The following CHD9 variants were observed in gnomAD, a reference collection of about 807,000 sequenced individuals.
CHD9 encodes the protein ATP-dependent chromatin remodeler CHD9.
A neutral mutation model predicts 316.1 loss-of-function variants in CHD9; 77 were observed. The observed-to-expected ratio is 0.24, with a 90% confidence interval of 0.20 to 0.29. The LOEUF is 0.29. Ranked by LOEUF, CHD9 falls within the 10% of genes least tolerant of loss-of-function variation. The pLI, the probability that CHD9 is intolerant of heterozygous loss-of-function variation, is 1.00. For synonymous variants in CHD9, 1,129 were observed against 1,158.3 expected, an observed-to-expected ratio of 0.97 and a Z score of 0.51; for missense variants, 2,763 against 3,438.1, an observed-to-expected ratio of 0.80 and a Z score of 4.91.
At chr16:53,158,886 C>T (rs1195923488) in intron 2 of CHD9, among the ~76,000 whole-genome samples, 2 of 152,184 alleles carry the variant, frequency 1.3e-5, no homozygotes, top group Non-Finnish European at 2.9e-5. Flanking sequence ...GTCCACTCTC[C>T]TCGGCCTCCC....
At chr16:53,186,534 C>T (rs767877010) in intron 2 of CHD9, among the ~76,000 whole-genome samples, 19 of 152,028 alleles carry the variant, frequency 1.2e-4, no homozygotes, top group East Asian at 5.8e-4. Flanking sequence ...AATAAGACTT[C>T]GAGGGACTGT....
At chr16:53,216,804 A>G (rs1282630407) in intron 3 of CHD9, among the ~76,000 whole-genome samples, 1 of 152,178 alleles carries the variant, frequency 6.6e-6, no homozygotes, top group Non-Finnish European at 1.5e-5. Context: ...TAAAAGTCAT[A>G]TTAGAGTCGT....
intron 1 of CHD9, among the ~76,000 whole-genome samples, chr16:53,111,787 T>G (rs1047923541): frequency 3.3e-5 from 5 of 152,220 alleles, no homozygotes; most frequent in Admixed American, 2.6e-4. Flanking sequence ...GATACCACAT[T>G]TCAGCATTTC....
chr16:53,294,677 A>G (rs577237638), intron 29 of CHD9, among the ~76,000 whole-genome samples: 58 of 152,268 alleles, frequency 3.8e-4, no homozygotes, highest in African/African-American at 1.4e-3. Flanking sequence ...GTAGTTACAA[A>G]ATGTCACTTT....
intron 4 of CHD9, 66 bp downstream of exon 4, chr16:53,222,821 C>A (rs1248505060): frequency 2.7e-6 from 2 of 738,724 alleles, no homozygotes; most frequent in Non-Finnish European, 4.5e-6. Flanking sequence ...ATAATATTGC[C>A]TTATAGATAT....
rs1303171757 is a variant in CHD9 at position 53,231,682 on chromosome 16, G to A, written c.2409G>A (p.Leu803=). The change falls in exon 10 of 39, where the codon TTG becomes TTA. Residue 803 remains leucine, a synonymous_variant. Transcript: ENST00000447540. ...ACTACTTAGTAAAATGGTGCTCATT[G>A]CCATATGAAGATAGTACTTGGGAAC... The part of the protein sequence containing the change: ...VIYYLVKWCS[L]PYEDSTWELK... 1 of 1,604,636 alleles carries A rather than the reference G, an allele frequency of 6.2e-7. No individual in the cohort carries two copies. The highest frequency in any genetic ancestry group is 2.2e-5 in the East Asian group (1 of 44,742).
intron 2 of CHD9, among the ~76,000 whole-genome samples, chr16:53,199,109 C>G (rs529739134): frequency 6.6e-6 from 1 of 152,030 alleles, no homozygotes; most frequent in South Asian, 2.1e-4. Context: ...CTGACACCAG[C>G]TACAAGTTCT....
At chr16:53,116,118 G>A (rs1369792791) in intron 1 of CHD9, among the ~76,000 whole-genome samples, 1 of 152,104 alleles carries the variant, frequency 6.6e-6, no homozygotes, top group Admixed American at 6.5e-5. Flanking sequence ...GGAGTGCAGT[G>A]GTGCGATCTC....
At chr16:53,222,559 A>G (rs1297614123) in intron 3 of CHD9, 85 bp from the exon 4 acceptor site, 1 of 669,394 alleles carries the variant, frequency 1.5e-6, no homozygotes, top group East Asian at 2.8e-5. Context: ...AAAGTGGAAG[A>G]AAGTTTATCA....
At chr16:53,314,264 T>C in intron 34 of CHD9, 113 bp from the exon 35 acceptor site, 1 of 690,514 alleles carries the variant, frequency 1.4e-6, no homozygotes, top group Non-Finnish European at 2.2e-6. Context: ...AGTTTCTACA[T>C]TAAAGATGTA....
chr16:53,318,451 G>A (rs1344184307), intron 37 of CHD9, 111 bp downstream of exon 37: 2 of 783,532 alleles, frequency 2.6e-6, no homozygotes, highest in East Asian at 2.9e-5. Context: ...GAAATGAGTT[G>A]AATCTATCAG....
At chr16:53,136,517 A>C (rs562746015) in intron 1 of CHD9, among the ~76,000 whole-genome samples, 1 of 151,996 alleles carries the variant, frequency 6.6e-6, no homozygotes, top group African/African-American at 2.4e-5. Context: ...TAGTCACTAA[A>C]ATTTTTTTCT....
chr16:53,079,740 C>T (rs1348373123), intron 1 of CHD9, among the ~76,000 whole-genome samples: 1 of 152,124 alleles, frequency 6.6e-6, no homozygotes, highest in East Asian at 1.9e-4. Context: ...TCTATGAAAA[C>T]TCTTGAACAA....
chr16:53,250,086 A>G lies in CHD9; in HGVS notation c.3861+20A>G. ...CTTCAGGTAAATAATTTCCTTGGCTAACAAAAAATGCATTTTTTAAAAAAG... is the reference window on the plus strand; with the variant it reads ...CTTCAGGTAAATAATTTCCTTGGCTGACAAAAAATGCATTTTTTAAAAAAG... On this transcript the variant is annotated intron_variant, in intron 17 of 38. Coordinates refer to ENST00000447540, the MANE Select transcript of CHD9 (RefSeq NM_001308319.2). 6.4e-7 allele frequency: 1 copy of G among 1,560,052 alleles called. No homozygotes were observed. Among genetic ancestry groups the G allele is most frequent in the South Asian group, 1.2e-5 (1 of 84,578 alleles).
intron 1 of CHD9, among the ~76,000 whole-genome samples, chr16:53,124,467 ATTTTTTTT>A (rs753476091): frequency 0.025 from 2,469 of 96,956 alleles, 89 homozygotes; most frequent in African/African-American, 0.088. Flanking sequence ...GTGAGACTTA[ATTTTTTTT>A]TTTTTTTTTT....
intron 2 of CHD9, among the ~76,000 whole-genome samples, chr16:53,194,496 C>T (rs887814746): frequency 3.3e-5 from 5 of 152,096 alleles, no homozygotes; most frequent in Admixed American, 1.3e-4. Flanking sequence ...ATCACTTGAG[C>T]TGGGAGGTGG....
chr16:53,144,717 G>A (rs1374055223), intron 1 of CHD9, among the ~76,000 whole-genome samples: 3 of 152,004 alleles, frequency 2.0e-5, no homozygotes, highest in African/African-American at 7.2e-5. Flanking sequence ...GTAGAGACGG[G>A]GTTTCATTAT....
At chr16:53,187,839 T>A (rs1285322815) in intron 2 of CHD9, among the ~76,000 whole-genome samples, 1 of 152,136 alleles carries the variant, frequency 6.6e-6, no homozygotes, top group East Asian at 1.9e-4. Context: ...AGTAAGAAAA[T>A]CAGGATATCA....
At chr16:53,088,819 T>C (rs1410258808) in intron 1 of CHD9, among the ~76,000 whole-genome samples, 1 of 151,376 alleles carries the variant, frequency 6.6e-6, no homozygotes, top group African/African-American at 2.4e-5. Context: ...GTCTTTACAA[T>C]AAAAATTAGC....
Sources: gnomAD v4.1 joint callset for allele counts (sites outside exome capture counted in the v4.1 genomes callset) on GRCh38, gnomAD v4.1.1 for gene constraint, MANE v1.5 for transcripts, NCBI Gene and HGNC (gene_info 2026-07-23, HGNC 2026-07-21) for gene names.